The following LRRC28 variants were observed in gnomAD, a reference collection of about 807,000 sequenced individuals.
The protein encoded by LRRC28 is leucine-rich repeat-containing protein 28.
A neutral mutation model predicts 45.7 loss-of-function variants in LRRC28; 39 were observed. The ratio of observed to expected loss-of-function variants is 0.85; its 90% CI spans 0.66 to 1.12. The LOEUF is 1.12. LRRC28 is among the 50% of genes most tolerant of loss of function. LRRC28 has a pLI of 0.00. For synonymous variants in LRRC28, 206 were observed against 178.8 expected (o/e 1.15, Z -1.22); for missense variants, 435 against 438.5 (o/e 0.99, Z 0.07).
intron 9 of LRRC28, among the ~76,000 whole-genome samples, chr15:99,373,960 A>G (rs560136001): frequency 1.3e-5 from 2 of 152,296 alleles, no homozygotes; most frequent in African/African-American, 4.8e-5. Flanking sequence ...ATCTGTGTCT[A>G]TCTCTTAGTC....
intron 5 of LRRC28, among the ~76,000 whole-genome samples, chr15:99,322,032 G>T (rs1876927): frequency 0.39 from 59,947 of 151,952 alleles, 12,573 homozygotes; most frequent in African/African-American, 0.55. Flanking sequence ...GTCTACGGTT[G>T]GGAGGGTTGG....
chr15:99,284,440 A>G (rs998445762), intron 3 of LRRC28, among the ~76,000 whole-genome samples: 5 of 152,232 alleles, frequency 3.3e-5, no homozygotes, highest in African/African-American at 9.6e-5. Context: ...TTATTCACAA[A>G]TACAGTCCTC....
chr15:99,384,732 A>G (rs1957931107), intron 9 of LRRC28: 1 of 152,154 alleles, frequency 6.6e-6, no homozygotes, highest in African/African-American at 2.4e-5. Flanking sequence ...TATTTGAGTA[A>G]CCATGATGCC....
chr15:99,326,932 G>C (rs140184023), intron 5 of LRRC28, among the ~76,000 whole-genome samples: 313 of 152,250 alleles, frequency 2.1e-3, no homozygotes, highest in African/African-American at 7.0e-3. Flanking sequence ...CCTGTTTTCT[G>C]AGACAGTTTG....
intron 5 of LRRC28, among the ~76,000 whole-genome samples, chr15:99,311,837 C>T (rs1357763302): frequency 1.3e-5 from 2 of 152,002 alleles, no homozygotes; most frequent in Non-Finnish European, 2.9e-5. Flanking sequence ...ATATAAAGGG[C>T]TGAATATGTA....
intron 9 of LRRC28, among the ~76,000 whole-genome samples, chr15:99,371,390 T>G (rs1462858971): frequency 6.6e-6 from 1 of 152,194 alleles, no homozygotes; most frequent in Non-Finnish European, 1.5e-5. Flanking sequence ...TCTGAGTGAT[T>G]GTTGTGCCTT....
intron 6 of LRRC28, among the ~76,000 whole-genome samples, chr15:99,350,803 C>G (rs779834709): frequency 1.3e-5 from 2 of 152,056 alleles, no homozygotes; most frequent in Non-Finnish European, 1.5e-5. Flanking sequence ...TTCTCTCTCT[C>G]TTTTTTTAAA....
chr15:99,332,582 A>G lies in LRRC28; in HGVS notation c.386-1341A>G, dbSNP rs537407497. 3.0e-4 allele frequency among the ~76,000 whole-genome samples: 45 copies of G among 152,248 alleles called. No individual in the cohort carries two copies. The South Asian group carries it at 9.1e-3, about 31-fold the overall frequency. ...TATTTTTAGGTGTTGCAGGCCACATATGTTCTCTGTCACATGTTCTTTGTC... is the reference window on the plus strand; with the variant it reads ...TATTTTTAGGTGTTGCAGGCCACATGTGTTCTCTGTCACATGTTCTTTGTC... On this transcript the variant is annotated intron_variant, in intron 5 of 9. Transcript: ENST00000301981.
intron 5 of LRRC28, among the ~76,000 whole-genome samples, chr15:99,321,837 A>T (rs1955808164): frequency 2.0e-5 from 3 of 152,228 alleles, no homozygotes; most frequent in African/African-American, 7.2e-5. Flanking sequence ...TGTTCTTATG[A>T]AATTTATTTT....
At chr15:99,284,012 A>G (rs924133606) in intron 3 of LRRC28, among the ~76,000 whole-genome samples, 4 of 152,214 alleles carry the variant, frequency 2.6e-5, no homozygotes, top group African/African-American at 4.8e-5. Context: ...AGAGCTTTAC[A>G]TTTATTAATT....
chr15:99,285,504 T>G, intron 3 of LRRC28: 1 of 1,084,668 alleles, frequency 9.2e-7, no homozygotes, highest in Non-Finnish European at 1.4e-6. Flanking sequence ...TCTCATCGGT[T>G]GTTTCAAAGC....
At chr15:99,257,561 AC>A in intron 2 of LRRC28, 1 of 532,916 alleles carries the variant, frequency 1.9e-6, no homozygotes. Context: ...TGAGGATCCA[AC>A]CCGGGGGTGA....
At chr15:99,283,665 A>G (rs1019758505) in intron 3 of LRRC28, among the ~76,000 whole-genome samples, 3 of 151,768 alleles carry the variant, frequency 2.0e-5, no homozygotes, top group Non-Finnish European at 2.9e-5. Flanking sequence ...GTCAAAACTA[A>G]GAAACTGACT....
Position 99,352,377 on chromosome 15 carries a change from C to G in LRRC28, c.601C>G (p.Arg201Gly). Residue 201 changes from arginine (R) to glycine (G), a missense_variant, in exon 7 of 10, where the codon CGA (arginine) becomes GGA (glycine). By Grantham distance (125) the Arg-to-Gly change is moderately radical. Coordinates refer to ENST00000301981, the MANE Select transcript of LRRC28 (RefSeq NM_144598.5). ...TTTTCTTTCTAATCCAGATTTAGGT[C>G]GATCTCGAGAACTACAGTATGTATA... ...RLAFLPLDLG[R>G]SRELQYVYVD... 1 of 1,611,734 alleles carries G rather than the reference C, an allele frequency of 6.2e-7. No homozygotes were observed. The highest frequency in any genetic ancestry group is 8.5e-7 in the Non-Finnish European group (1 of 1,178,678).
chr15:99,313,909 T>C (rs1955503320), intron 5 of LRRC28, among the ~76,000 whole-genome samples: 1 of 152,102 alleles, frequency 6.6e-6, no homozygotes, highest in Non-Finnish European at 1.5e-5. Context: ...GGGCTGGGGG[T>C]AGGATGTGAC....
intron 5 of LRRC28, among the ~76,000 whole-genome samples, chr15:99,288,370 A>G (rs1024474109): frequency 8.7e-6 from 1 of 114,300 alleles, no homozygotes; most frequent in South Asian, 2.7e-4. Context: ...ATGTACATTA[A>G]CTTTTTTTTT....
At chr15:99,348,628 C>T (rs1009991092) in intron 6 of LRRC28, among the ~76,000 whole-genome samples, 9 of 151,918 alleles carry the variant, frequency 5.9e-5, no homozygotes, top group South Asian at 2.1e-4. Flanking sequence ...GTTTTTATGC[C>T]GCATCATAGT....
chr15:99,285,662 G>A, intron 3 of LRRC28: 1 of 610,216 alleles, frequency 1.6e-6, no homozygotes, highest in Non-Finnish European at 3.0e-6. Context: ...ACAGCATCTT[G>A]ATTATATGTA....
Position 99,387,332 on chromosome 15 carries a change from T to C in LRRC28, c.*1230T>C, listed in dbSNP as rs1022742846. The C allele has an allele frequency of 6.6e-6, 1 of 152,012 alleles. No individual in the cohort carries two copies. The highest frequency in any genetic ancestry group is 2.1e-4 in the South Asian group (1 of 4,822). 9.4% of individuals were successfully genotyped at this position (152,012 alleles called of 1,614,324 possible). A position where few individuals can be genotyped will look rare whatever the true frequency, so the allele number is the denominator to read the frequency against. On this transcript the variant is annotated 3_prime_UTR_variant, in exon 10 of 10. Transcript: ENST00000301981. ...GCCTCGGCCTCCCAAAGTGCTGGGATTACAGGCGTGAGCCACCGCGCCCGG... is the reference window on the plus strand; with the variant it reads ...GCCTCGGCCTCCCAAAGTGCTGGGACTACAGGCGTGAGCCACCGCGCCCGG...
Sources: gnomAD v4.1 joint callset for allele counts (sites outside exome capture counted in the v4.1 genomes callset) on GRCh38, gnomAD v4.1.1 for gene constraint, MANE v1.5 for transcripts, NCBI Gene and HGNC (gene_info 2026-07-23, HGNC 2026-07-21) for gene names.